The following WWC1 variants were observed in gnomAD, a reference collection of about 807,000 sequenced individuals.
The protein encoded by WWC1 is WW and C2 domain containing 1.
In WWC1, 55 loss-of-function variants were observed where a neutral mutation model predicts 138.4. The ratio of observed to expected loss-of-function variants is 0.40; its 90% CI spans 0.32 to 0.50. The LOEUF is 0.50. WWC1 is among the 20% of genes least tolerant of loss of function. The pLI is 0.72. For missense variants in WWC1, 1,226 were observed against 1,420.4 expected, an observed-to-expected ratio of 0.86 and a Z score of 2.20; for synonymous variants, 524 against 564.9, an observed-to-expected ratio of 0.93 and a Z score of 1.03.
At chr5:168,453,883 A>T in intron 17 of WWC1, 85 bp from the exon 18 acceptor site, 1 of 1,578,272 alleles carries the variant, frequency 6.3e-7, no homozygotes. Flanking sequence ...AAAGGATTGG[A>T]AGCCCTACCT....
chr5:168,374,055 A>C (rs2152809645), intron 2 of WWC1, among the ~76,000 whole-genome samples: 1 of 148,496 alleles, frequency 6.7e-6, no homozygotes, highest in East Asian at 2.0e-4. Context: ...CAAAAAAAAA[A>C]AAAAAAAAAG....
chr5:168,403,273 A>G (rs866127967), intron 5 of WWC1, among the ~76,000 whole-genome samples: 1 of 151,754 alleles, frequency 6.6e-6, no homozygotes, highest in Admixed American at 6.6e-5. Flanking sequence ...AATTTTTTGT[A>G]TTTTTAGTAG....
rs555838392 is a variant in WWC1 at position 168,428,217 on chromosome 5, G to C, written c.1919+76G>C. ...TGAATATCCAGAGCCTAGGCCTGTG[G>C]AGAGGCTTAGGTTTTGGCCCCCACA... On this transcript the variant is annotated intron_variant, in intron 12 of 22. Transcript: ENST00000265293. 5.5e-6 allele frequency: 8 copies of C among 1,450,966 alleles called. No homozygotes were observed. In the Admixed American group the frequency reaches 1.0e-4, roughly 18 times the overall value. 89.9% of individuals were successfully genotyped at this position (1,450,966 alleles called of 1,614,324 possible). A position where few individuals can be genotyped will look rare whatever the true frequency, so the allele number is the denominator to read the frequency against.
chr5:168,409,042 C>T (rs1780025223), intron 7 of WWC1, among the ~76,000 whole-genome samples: 1 of 152,112 alleles, frequency 6.6e-6, no homozygotes, highest in African/African-American at 2.4e-5. Context: ...ATATTTTCCT[C>T]CTGTTAGTCT....
At chr5:168,325,876 A>G (rs1173971442) in intron 1 of WWC1, among the ~76,000 whole-genome samples, 1 of 152,170 alleles carries the variant, frequency 6.6e-6, no homozygotes, top group African/African-American at 2.4e-5. Flanking sequence ...TACTCTAGAT[A>G]CCTCATATAA....
At chr5:168,382,259 A>G (rs576439956) in intron 2 of WWC1, among the ~76,000 whole-genome samples, 3 of 152,334 alleles carry the variant, frequency 2.0e-5, no homozygotes, top group African/African-American at 4.8e-5. Context: ...GGCATGGTCC[A>G]TGTTGCATTA....
chr5:168,362,362 G>T (rs1344414959), intron 1 of WWC1, among the ~76,000 whole-genome samples: 1 of 152,212 alleles, frequency 6.6e-6, no homozygotes, highest in Non-Finnish European at 1.5e-5. Context: ...GAGCCACATA[G>T]AGTTTACATA....
chr5:168,454,861 C>T (rs1046794207), intron 18 of WWC1, among the ~76,000 whole-genome samples: 11 of 152,348 alleles, frequency 7.2e-5, no homozygotes, highest in African/African-American at 2.6e-4. Context: ...TTATGTTTTC[C>T]TGATGACTAC....
At chr5:168,467,053 A>AT (rs1400171296) in intron 21 of WWC1, among the ~76,000 whole-genome samples, 51 of 152,334 alleles carry the variant, frequency 3.3e-4, no homozygotes, top group African/African-American at 8.2e-4. Context: ...CAAGGTCAGG[A>AT]GATTGAGACC....
rs190132311 is a variant in WWC1, at chr5:168,431,723, C to T, written c.2280+279C>T. On this transcript the variant is annotated intron_variant, in intron 15 of 22. Coordinates refer to ENST00000265293, the MANE Select transcript of WWC1 (RefSeq NM_015238.3). Reference sequence around the variant, plus strand: ...AAGTGCCTTTTAAAACTGCCAGAACCTGGAAAAAGCCACATACTGCAGCTT... The same window carrying T: ...AAGTGCCTTTTAAAACTGCCAGAACTTGGAAAAAGCCACATACTGCAGCTT... Among the ~76,000 whole-genome samples the T allele has an allele frequency of 5.3e-5, 8 of 152,198 alleles. No individual in the cohort carries two copies. In the East Asian group the frequency reaches 1.5e-3, roughly 29 times the overall value.
intron 1 of WWC1, among the ~76,000 whole-genome samples, chr5:168,356,486 A>G (rs1349127116): frequency 6.6e-6 from 1 of 152,222 alleles, no homozygotes; most frequent in African/African-American, 2.4e-5. Flanking sequence ...CTTCCAAGTC[A>G]GCTGAGCTGG....
chr5:168,368,463 C>T (rs1387931351), intron 1 of WWC1, among the ~76,000 whole-genome samples: 4 of 152,134 alleles, frequency 2.6e-5, no homozygotes, highest in Non-Finnish European at 5.9e-5. Context: ...GGGAAGGGGA[C>T]GTATCTTCTT....
At chr5:168,392,392 C>T (rs1294596467) in intron 3 of WWC1, among the ~76,000 whole-genome samples, 1 of 152,156 alleles carries the variant, frequency 6.6e-6, no homozygotes, top group African/African-American at 2.4e-5. Flanking sequence ...AAATCAAGTC[C>T]AGCCAAATCA....
intron 2 of WWC1, among the ~76,000 whole-genome samples, chr5:168,379,652 G>A (rs925186910): frequency 1.3e-5 from 2 of 152,158 alleles, no homozygotes; most frequent in Admixed American, 6.5e-5. Context: ...CACCTGCCTC[G>A]GCCTCCCAAA....
chr5:168,467,949 A>C lies in WWC1; in HGVS notation c.3260A>C (p.Glu1087Ala). The C allele has an allele frequency of 6.2e-7, 1 of 1,614,150 alleles. No homozygotes were observed. The highest frequency in any genetic ancestry group is 8.5e-7 in the Non-Finnish European group (1 of 1,180,010). The change falls in exon 22 of 23, where the codon GAA becomes GCA. Residue 1087 changes from glutamate (E) to alanine (A), a missense_variant. Glu to Ala is a moderately radical substitution (Grantham distance 107, BLOSUM62 -1). Transcript: ENST00000265293. Reference sequence around the variant, plus strand: ...GGCCAGAGCTGTAAGGAACCCCCAGAAGTTCAGTCTTTCAGGTAAGCAGAG... The same window carrying C: ...GGCCAGAGCTGTAAGGAACCCCCAGCAGTTCAGTCTTTCAGGTAAGCAGAG... ...LRGQSCKEPP[E>A]VQSFREKMAF...
In WWC1 at chr5:168,385,088, C is replaced by T. The variant is rs1364115520; in HGVS notation, c.230-123C>T. Reference sequence around the variant, plus strand: ...TCATTTAGTAAATGAGTTTGCCCCACTTACATTTATTGTGATTTGTCTATG... The same window carrying T: ...TCATTTAGTAAATGAGTTTGCCCCATTTACATTTATTGTGATTTGTCTATG... On this transcript the variant is annotated intron_variant, in intron 2 of 22. Transcript: ENST00000265293. 8.5e-6 allele frequency: 8 copies of T among 936,504 alleles called. No individual in the cohort carries two copies. In the East Asian group the frequency reaches 1.6e-4, roughly 18 times the overall value. The allele number at this position is 936,504 out of a possible 1,614,324, so 58.0% of individuals were successfully genotyped here. A position where few individuals can be genotyped will look rare whatever the true frequency, so the allele number is the denominator to read the frequency against.
At chr5:168,430,746 G>A (rs1781873264) in intron 14 of WWC1, among the ~76,000 whole-genome samples, 1 of 152,222 alleles carries the variant, frequency 6.6e-6, no homozygotes, top group South Asian at 2.1e-4. Context: ...TCCCATGGTA[G>A]ATGGGTTTAT....
intron 15 of WWC1, among the ~76,000 whole-genome samples, chr5:168,437,114 C>T (rs1022531120): frequency 6.6e-6 from 1 of 152,134 alleles, no homozygotes; most frequent in African/African-American, 2.4e-5. Flanking sequence ...GGCCTTTGCA[C>T]TTGCTGTGTC....
chr5:168,445,276 T>C (rs959671634), intron 17 of WWC1, among the ~76,000 whole-genome samples: 10 of 152,012 alleles, frequency 6.6e-5, no homozygotes, highest in African/African-American at 2.4e-4. Context: ...ATTGCACCAC[T>C]GCACTCCAAC....
Sources: gnomAD v4.1 joint callset for allele counts (sites outside exome capture counted in the v4.1 genomes callset) on GRCh38, gnomAD v4.1.1 for gene constraint, MANE v1.5 for transcripts, NCBI Gene and HGNC (gene_info 2026-07-23, HGNC 2026-07-21) for gene names.